Variants in TRDN observed in about 807,000 individuals in gnomAD.
TRDN encodes the protein triadin.
Under a neutral mutation model 149.7 loss-of-function variants are expected in TRDN, and 161 were observed. The observed-to-expected ratio is 1.08, with a 90% CI of 0.95 to 1.23. TRDN has a LOEUF of 1.23. Among genes scored for constraint, TRDN ranks in the 50% most tolerant of loss-of-function variants. TRDN has a pLI of 0.00. For missense variants in TRDN, 896 were observed against 823.5 expected, an observed-to-expected ratio of 1.09 and a Z score of -1.08; for synonymous variants, 294 against 250.5, an observed-to-expected ratio of 1.17 and a Z score of -1.64.
chr6:123,402,864 C>G (rs1161609785), intron 12 of TRDN, among the ~76,000 whole-genome samples: 1 of 152,072 alleles, frequency 6.6e-6, no homozygotes, highest in Non-Finnish European at 1.5e-5. Flanking sequence ...GGAAAGAAGG[C>G]TGTTTGTTCA....
At chr6:123,619,209 A>G (rs554950820) in intron 1 of TRDN, among the ~76,000 whole-genome samples, 66 of 152,354 alleles carry the variant, frequency 4.3e-4, no homozygotes, top group Admixed American at 1.2e-3. Flanking sequence ...TTAGTGGCCT[A>G]AAACAACTGT....
intron 4 of TRDN, among the ~76,000 whole-genome samples, chr6:123,532,608 C>T (rs552249061): frequency 7.9e-5 from 12 of 151,942 alleles, no homozygotes; most frequent in East Asian, 7.8e-4. Context: ...AAATGCCTGG[C>T]CAGTTCCCAC....
At chr6:123,569,988 G>A (rs777239137) in intron 2 of TRDN, among the ~76,000 whole-genome samples, 1 of 152,154 alleles carries the variant, frequency 6.6e-6, no homozygotes, top group Non-Finnish European at 1.5e-5. Flanking sequence ...TCTTCTTGAG[G>A]TCTGTGGCAT....
intron 12 of TRDN, chr6:123,418,509 C>T (rs1337060051): frequency 1.3e-5 from 2 of 152,072 alleles, no homozygotes; most frequent in Non-Finnish European, 2.9e-5. Context: ...TACTTTCATC[C>T]CAAACACTGG....
At chr6:123,592,355 C>A (rs1395896970) in intron 1 of TRDN, among the ~76,000 whole-genome samples, 1 of 152,168 alleles carries the variant, frequency 6.6e-6, no homozygotes, top group Non-Finnish European at 1.5e-5. Context: ...TCCTCAGCAT[C>A]TAAAGGAGGT....
chr6:123,330,497 A>T (rs1056320767), intron 23 of TRDN, among the ~76,000 whole-genome samples: 1 of 152,050 alleles, frequency 6.6e-6, no homozygotes, highest in East Asian at 1.9e-4. Context: ...TAATTTACAT[A>T]TCGTGTCAAA....
At chr6:123,261,424 A>T (rs1489077089) in intron 33 of TRDN, among the ~76,000 whole-genome samples, 2 of 151,962 alleles carry the variant, frequency 1.3e-5, no homozygotes, top group East Asian at 1.9e-4. Flanking sequence ...CCTTTTGCCT[A>T]TGCTCATACA....
At chr6:123,290,864 A>T (rs1268986520) in intron 24 of TRDN, among the ~76,000 whole-genome samples, 4 of 152,186 alleles carry the variant, frequency 2.6e-5, no homozygotes, top group African/African-American at 9.6e-5. Context: ...TGGAAAGAAA[A>T]AGTACTTTCT....
At chr6:123,269,036 T>C (rs1461412536) in intron 31 of TRDN, among the ~76,000 whole-genome samples, 1 of 152,042 alleles carries the variant, frequency 6.6e-6, no homozygotes, top group African/African-American at 2.4e-5. Flanking sequence ...CTATTTTGCA[T>C]GCAAGAGCCA....
chr6:123,428,495 T>C (rs1046284138), intron 12 of TRDN, among the ~76,000 whole-genome samples: 1 of 152,148 alleles, frequency 6.6e-6, no homozygotes, highest in Middle Eastern at 3.2e-3. Flanking sequence ...GTGTGACCTC[T>C]GCATCAAGCT....
At chr6:123,298,167 A>G (rs531172585) in intron 24 of TRDN, among the ~76,000 whole-genome samples, 17 of 152,108 alleles carry the variant, frequency 1.1e-4, no homozygotes, top group Non-Finnish European at 2.1e-4. Flanking sequence ...AGTTAAAAGA[A>G]AGAAAAACCG....
chr6:123,581,399 A>C (rs1038670397), intron 1 of TRDN, among the ~76,000 whole-genome samples: 2 of 152,190 alleles, frequency 1.3e-5, no homozygotes, highest in Admixed American at 1.3e-4. Context: ...ACAAGGCCCT[A>C]GGTAGGGATC....
At chr6:123,362,203 C>T (rs1005792462) in intron 20 of TRDN, among the ~76,000 whole-genome samples, 1 of 152,112 alleles carries the variant, frequency 6.6e-6, no homozygotes, top group Non-Finnish European at 1.5e-5. Flanking sequence ...TTTATTAGTG[C>T]TAACATAATC....
At chr6:123,271,082 A>G in intron 30 of TRDN, 57 bp downstream of exon 30, 1 of 1,019,668 alleles carries the variant, frequency 9.8e-7, no homozygotes, top group Non-Finnish European at 1.4e-6. Context: ...CACACATATG[A>G]GTGCACCACA....
At chr6:123,597,909 G>T (rs974941210) in intron 1 of TRDN, among the ~76,000 whole-genome samples, 1 of 152,056 alleles carries the variant, frequency 6.6e-6, no homozygotes, top group South Asian at 2.1e-4. Flanking sequence ...TTATTGCAGT[G>T]ATCTGGACCT....
chr6:123,345,397 T>C (rs1192860977), intron 21 of TRDN, among the ~76,000 whole-genome samples: 2 of 152,156 alleles, frequency 1.3e-5, no homozygotes, highest in East Asian at 3.9e-4. Flanking sequence ...CTGAGTTCTC[T>C]ATTCTCTTTC....
At chr6:123,368,208 C>T (rs955853560) in intron 19 of TRDN, among the ~76,000 whole-genome samples, 2 of 152,164 alleles carry the variant, frequency 1.3e-5, no homozygotes, top group African/African-American at 2.4e-5. Flanking sequence ...TTTCTCATTA[C>T]TCTTCATAGA....
chr6:123,249,946 A>T (rs1180387989), intron 38 of TRDN, among the ~76,000 whole-genome samples: 28 of 152,140 alleles, frequency 1.8e-4, no homozygotes, highest in Admixed American at 1.8e-3. Flanking sequence ...ATATCTAGAA[A>T]AACCTAAGGA....
chr6:123,517,767 T>G (rs1040207245), intron 5 of TRDN, among the ~76,000 whole-genome samples: 3 of 152,084 alleles, frequency 2.0e-5, no homozygotes, highest in Non-Finnish European at 4.4e-5. Context: ...TTCCATGCAC[T>G]CTTTCCTCTT....
Sources: allele counts gnomAD v4.1 joint callset (sites outside exome capture counted in the v4.1 genomes callset), GRCh38; gene constraint gnomAD v4.1.1; transcripts MANE v1.5; gene names NCBI Gene and HGNC (gene_info 2026-07-23, HGNC 2026-07-21).